Variants in DENND4A observed in about 807,000 individuals in gnomAD.
DENND4A encodes DENN domain containing 4A.
In DENND4A, 70 loss-of-function variants were observed where a neutral mutation model predicts 199.3. The ratio of observed to expected loss-of-function variants is 0.35; its 90% CI spans 0.29 to 0.43. The LOEUF is 0.43. Ranked by LOEUF, DENND4A falls within the 20% of genes least tolerant of loss-of-function variation. The probability of loss-of-function intolerance (pLI) is 1.00; values close to 1 mark genes in which losing one functional copy is unlikely to be tolerated. For synonymous variants in DENND4A, 686 were observed against 766.9 expected (o/e 0.89, Z 1.74); for missense variants, 1,723 against 2,255.8 (o/e 0.76, Z 4.78).
chr15:65,678,370 C>T (rs1441410882), intron 23 of DENND4A, among the ~76,000 whole-genome samples: 2 of 152,158 alleles, frequency 1.3e-5, no homozygotes, highest in African/African-American at 4.8e-5. Flanking sequence ...TTAGACTACC[C>T]TGACTAATTT....
chr15:65,751,931 TC>T (rs772960468), intron 4 of DENND4A, among the ~76,000 whole-genome samples: 1 of 151,754 alleles, frequency 6.6e-6, no homozygotes, highest in Non-Finnish European at 1.5e-5. Flanking sequence ...GAATATGAGA[TC>T]AAGAAGTTTT....
intron 1 of DENND4A, among the ~76,000 whole-genome samples, chr15:65,791,054 C>T (rs973528963): frequency 2.0e-5 from 3 of 152,170 alleles, no homozygotes; most frequent in African/African-American, 4.8e-5. Context: ...CTATTCTTTT[C>T]ATTAACGTAT....
chr15:65,738,845 T>C lies in DENND4A; in HGVS notation c.662A>G (p.Tyr221Cys). 1 of 1,604,650 alleles carries C rather than the reference T, an allele frequency of 6.2e-7. No individual in the cohort carries two copies. The highest frequency in any genetic ancestry group is 8.5e-7 in the Non-Finnish European group (1 of 1,176,370). Residue 221 changes from tyrosine to cysteine, a missense_variant, in exon 6 of 33, where the codon TAT becomes TGT. Coordinates refer to ENST00000443035, the MANE Select transcript of DENND4A (RefSeq NM_001320835.1). ...GLICRYPQED[Y>C]ESFSLPESVP... ...AGATTCCGGTAGTGAGAATGACTCA[T>C]AATCTTCTTGAGGATATCTACAAAT...
chr15:65,739,164 AATTCAGCTTGTGGTCAC>A (rs1223343896), intron 5 of DENND4A, among the ~76,000 whole-genome samples: 1 of 152,206 alleles, frequency 6.6e-6, no homozygotes, highest in Non-Finnish European at 1.5e-5. Flanking sequence ...TACTCCTAAA[AATTCAGCTTGTGGTCAC>A]ACTACCTTAG....
intron 23 of DENND4A, among the ~76,000 whole-genome samples, chr15:65,684,360 T>C (rs926848442): frequency 2.6e-5 from 4 of 152,224 alleles, no homozygotes; most frequent in South Asian, 2.1e-4. Flanking sequence ...TTCCCATTTC[T>C]CCACATCCCC....
In DENND4A at chr15:65,752,422, G is replaced by A. The variant is rs1406695632; in HGVS notation, c.518C>T (p.Pro173Leu). The change falls in exon 4 of 33, where the codon CCA becomes CTA. Residue 173 changes from proline to leucine, a missense_variant. Transcript: ENST00000443035. ...CTTGTCGACTTTGCAGAACGTGTGT[G>A]GTGGGCTTTCTCCTTTACTGGGTAT... ...IIIPSKGESPPHTFCKVDKNL... is the reference protein window; with the variant it reads ...IIIPSKGESPLHTFCKVDKNL... 9 of 1,613,094 alleles carry A rather than the reference G, an allele frequency of 5.6e-6. No homozygotes were observed. The highest frequency in any genetic ancestry group is 7.6e-6 in the Non-Finnish European group (9 of 1,179,514).
chr15:65,672,998 C>T (rs146363071), intron 24 of DENND4A, among the ~76,000 whole-genome samples: 91 of 151,838 alleles, frequency 6.0e-4, no homozygotes, highest in African/African-American at 2.2e-3. Flanking sequence ...GTAGCTGGGA[C>T]TACATGCGCA....
At chr15:65,712,644 CAGTA>C (rs1567034605) in intron 14 of DENND4A, among the ~76,000 whole-genome samples, 1 of 151,942 alleles carries the variant, frequency 6.6e-6, no homozygotes, top group African/African-American at 2.4e-5. Context: ...ATTTAACAAT[CAGTA>C]AGGCCAATTT....
At chr15:65,766,250 C>CA (rs5813366) in intron 1 of DENND4A, among the ~76,000 whole-genome samples, 3,901 of 93,732 alleles carry the variant, frequency 0.042, 143 homozygotes, top group African/African-American at 0.1. Context: ...GACTCCACCT[C>CA]AAAAAAAAAA....
At chr15:65,729,768 T>A in intron 9 of DENND4A, 90 bp from the exon 10 acceptor site, 1 of 1,186,340 alleles carries the variant, frequency 8.4e-7, no homozygotes, top group Non-Finnish European at 1.2e-6. Flanking sequence ...TTGATTAGAG[T>A]AGGATTTGTA....
intron 1 of DENND4A, among the ~76,000 whole-genome samples, chr15:65,781,850 C>T (rs1433353527): frequency 6.6e-6 from 1 of 152,126 alleles, no homozygotes; most frequent in Non-Finnish European, 1.5e-5. Flanking sequence ...GAGCAACTGG[C>T]CAACTCAGAA....
intron 4 of DENND4A, among the ~76,000 whole-genome samples, chr15:65,752,127 C>A (rs1216583431): frequency 2.0e-5 from 1 of 50,846 alleles, no homozygotes; most frequent in Non-Finnish European, 3.8e-5. Flanking sequence ...TTGTAGTGGG[C>A]GGGGGGGGTG....
chr15:65,764,791 AGTGAGACCCC>A (rs2140804534), intron 1 of DENND4A, among the ~76,000 whole-genome samples: 2 of 152,160 alleles, frequency 1.3e-5, no homozygotes, highest in African/African-American at 2.4e-5. Flanking sequence ...TGGGCAACAT[AGTGAGACCCC>A]ATCTGTACAA....
chr15:65,747,090 A>G (rs893081828), intron 4 of DENND4A, among the ~76,000 whole-genome samples: 19 of 150,480 alleles, frequency 1.3e-4, no homozygotes, highest in African/African-American at 4.4e-4. Context: ...TGGGTGACAA[A>G]GTGAGACTCT....
rs139400709 is a variant in DENND4A, at chr15:65,769,150, T to C, written c.-101-7712A>G. On this transcript the variant is annotated intron_variant, in intron 1 of 32. Coordinates refer to ENST00000443035, the MANE Select transcript of DENND4A (RefSeq NM_001320835.1). The stretch of plus-strand genomic sequence containing the variant: ...GAGTTTTCATGCATATAAAAACGCA[T>C]AGATTTTTTAAAAATAGCTAAGAAT... 6.3e-4 allele frequency among the ~76,000 whole-genome samples: 96 copies of C among 151,932 alleles called. 1 individual carries two copies. Among genetic ancestry groups the C allele is most frequent in the African/African-American group, 2.2e-3 (91 of 41,432 alleles).
chr15:65,663,196 A>ATTT lies in DENND4A; in HGVS notation c.5587+1133_5587+1134insAAA, dbSNP rs1366096279. Among the ~76,000 whole-genome samples, 30 of 117,086 alleles carry ATTT rather than the reference A, an allele frequency of 2.6e-4. 1 individual carries two copies. The highest frequency in any genetic ancestry group is 8.1e-4 in the African/African-American group (23 of 28,562). The allele number at this position is 117,086 out of a possible 152,430, so 76.8% of individuals were successfully genotyped here. On this transcript the variant is annotated intron_variant, in intron 32 of 32. Coordinates refer to ENST00000443035, the MANE Select transcript of DENND4A (RefSeq NM_001320835.1). ...TGTGTGTATATATATATATATATAT[A>ATTT]TATTTTTTTTTTTTTATTTTTTTTT...
intron 29 of DENND4A, among the ~76,000 whole-genome samples, 196 bp from the exon 30 acceptor site, chr15:65,665,658 A>G (rs2076010883): frequency 6.6e-6 from 1 of 152,208 alleles, no homozygotes; most frequent in African/African-American, 2.4e-5. Flanking sequence ...ATCTCTAAAG[A>G]TCAGATATAA....
chr15:65,742,559 T>C (rs1402828543), intron 4 of DENND4A, among the ~76,000 whole-genome samples: 4 of 151,978 alleles, frequency 2.6e-5, no homozygotes, highest in African/African-American at 9.7e-5. Context: ...CTGGAGTAGC[T>C]GGGATTACAG....
chr15:65,680,670 C>T (rs1461259692), intron 23 of DENND4A: 1 of 152,092 alleles, frequency 6.6e-6, no homozygotes, highest in Admixed American at 6.5e-5. Context: ...TTAGTGCCTT[C>T]AATGAAGGCA....
Sources: gnomAD v4.1 joint callset for allele counts (sites outside exome capture counted in the v4.1 genomes callset) on GRCh38, gnomAD v4.1.1 for gene constraint, MANE v1.5 for transcripts, NCBI Gene and HGNC (gene_info 2026-07-23, HGNC 2026-07-21) for gene names.